Variants in CLK1 observed in about 807,000 individuals in gnomAD.
CLK1 encodes dual specificity protein kinase CLK1.
CLK1 carries 40 observed loss-of-function variants against 60.9 expected under a neutral mutation model. That is an observed-to-expected ratio of 0.66 (90% CI 0.51 to 0.86). The LOEUF is 0.86. Among genes scored for constraint, CLK1 ranks in the 40% least tolerant of loss-of-function variants. The pLI, the probability that CLK1 is intolerant of heterozygous loss-of-function variation, is 0.00. For missense variants in CLK1, 563 were observed against 606.1 expected (o/e 0.93, Z 0.75); for synonymous variants, 203 against 184.4 (o/e 1.10, Z -0.82).
chr2:200,858,092 G>A lies in CLK1; in HGVS notation c.549-3C>T. ...TTACTGCTACATGTCTACCTCCCCT[G>A]TTAGAAAGATGCATGCAAATTTAAG... On this transcript the variant is annotated splice_polypyrimidine_tract_variant and splice_region_variant and intron_variant, in intron 5 of 12. Transcript: ENST00000321356. 6.3e-7 allele frequency: 1 copy of A among 1,581,844 alleles called. No individual in the cohort carries two copies. Among genetic ancestry groups the A allele is most frequent in the South Asian group, 1.1e-5 (1 of 90,422 alleles).
chr2:200,862,270 C>T (rs2105742561), intron 1 of CLK1, among the ~76,000 whole-genome samples: 1 of 152,308 alleles, frequency 6.6e-6, no homozygotes, highest in Non-Finnish European at 1.5e-5. Context: ...TGCACGTATA[C>T]ATCCAGATGG....
chr2:200,854,219 G>A (rs1361891306), intron 11 of CLK1: 2 of 400,416 alleles, frequency 5.0e-6, no homozygotes, highest in African/African-American at 2.1e-5. Flanking sequence ...CTGAGACTTG[G>A]TAGAGTGAAA....
At chr2:200,864,160 C>A (rs1575083567) in intron 1 of CLK1, 1 of 1,551,162 alleles carries the variant, frequency 6.4e-7, no homozygotes, top group Non-Finnish European at 8.7e-7. Context: ...CCCAGCAAAT[C>A]CCCCCTCAAC....
intron 9 of CLK1, 83 bp from the exon 10 acceptor site, chr2:200,855,169 TA>T (rs796607497): frequency 6.3e-3 from 4,798 of 756,974 alleles, no homozygotes; most frequent in African/African-American, 0.011. Context: ...ACTAATACTT[TA>T]AAAAAAAAAA....
intron 11 of CLK1, 55 bp downstream of exon 11, chr2:200,854,560 TA>T: frequency 3.8e-6 from 4 of 1,048,592 alleles, no homozygotes; most frequent in Non-Finnish European, 5.8e-6. Context: ...AATTAAGTTC[TA>T]ATCAGCAGAT....
chr2:200,854,593 T>A, intron 11 of CLK1, 23 bp downstream of exon 11: 3 of 1,402,032 alleles, frequency 2.1e-6, no homozygotes, highest in Non-Finnish European at 3.0e-6. Context: ...ATACTAAGGA[T>A]GTCACTAACT....
Position 200,859,751 on chromosome 2 carries a change from AAG to A in CLK1, c.482-7_482-6del, listed in dbSNP as rs758535588. ...CTAAAGTATCAACAATTTCATCTAA[AAG>A]AGAGAAATAAATCTCAGTCATATCA... On this transcript the variant is annotated splice_region_variant and splice_polypyrimidine_tract_variant and intron_variant, in intron 4 of 12. Coordinates refer to ENST00000321356, the MANE Select transcript of CLK1 (RefSeq NM_004071.4). 7 of 1,612,916 alleles carry A rather than the reference AAG, an allele frequency of 4.3e-6. No individual in the cohort carries two copies. In the South Asian group the frequency reaches 7.7e-5, roughly 18 times the overall value.
intron 1 of CLK1, chr2:200,863,109 CCGGCGGG>C (rs2039167979): frequency 6.6e-6 from 1 of 152,138 alleles, no homozygotes; most frequent in African/African-American, 2.4e-5. Flanking sequence ...TTCTTTCTTA[CCGGCGGG>C]ACCCCTCTGT....
In CLK1 at chr2:200,861,685, T is replaced by G. The variant is rs2039141083; in HGVS notation, c.161+17A>C. On this transcript the variant is annotated intron_variant, in intron 2 of 12. Coordinates refer to ENST00000321356, the MANE Select transcript of CLK1 (RefSeq NM_004071.4). ...TAATGTATTGTTATATTCAGACATTTTAAGTATCCTCCTTACCTATCACAC... is the reference window on the plus strand; with the variant it reads ...TAATGTATTGTTATATTCAGACATTGTAAGTATCCTCCTTACCTATCACAC... 2 of 1,612,948 alleles carry G rather than the reference T, an allele frequency of 1.2e-6. No homozygotes were observed. The highest frequency in any genetic ancestry group is 2.7e-5 in the African/African-American group (2 of 74,882).
In CLK1 at chr2:200,861,764, T is replaced by C; in HGVS notation, c.99A>G (p.Arg33=). ...TGTTCTCCTGGGCACTGCTATGTGA[T>C]CTCTTCCTTCTTTTATGACTGCTGC... ...RSSSSHKRRK[R]SHSSAQENKR... is the part of the protein sequence containing the mutation. Residue 33 remains arginine, a synonymous_variant, in exon 2 of 13, where the codon AGA becomes AGG. Coordinates refer to ENST00000321356, the MANE Select transcript of CLK1 (RefSeq NM_004071.4). The C allele has an allele frequency of 6.2e-7, 1 of 1,614,178 alleles. No homozygotes were observed. The highest frequency in any genetic ancestry group is 8.5e-7 in the Non-Finnish European group (1 of 1,180,016).
At chr2:200,854,940 T>C in intron 10 of CLK1, 64 bp downstream of exon 10, 1 of 1,224,050 alleles carries the variant, frequency 8.2e-7, no homozygotes, top group Middle Eastern at 1.9e-4. Flanking sequence ...GCAAAAGTAT[T>C]TATTCATATA....
intron 5 of CLK1, 40 bp from the exon 6 acceptor site, chr2:200,858,129 T>G (rs371867801): frequency 3.2e-6 from 4 of 1,247,198 alleles, no homozygotes; most frequent in South Asian, 2.4e-5. Flanking sequence ...ATGACAGACA[T>G]GATGCTCAAT....
Position 200,853,389 on chromosome 2 carries a change from A to T in CLK1, c.1372T>A (p.Leu458Met). The change falls in exon 13 of 13, where the codon TTG (leucine) becomes ATG (methionine). Residue 458 changes from leucine to methionine, a missense_variant. This residue lies in a region of CLK1 where 360 missense variants were observed against 407.0 expected (regional missense o/e 0.88). Transcript: ENST00000321356. Reference protein sequence around the residue: ...ERLFDLIQKMLEYDPAKRITL... With the variant: ...ERLFDLIQKMMEYDPAKRITL... The stretch of plus-strand genomic sequence containing the variant: ...ATTCTTTTGGCTGGATCATACTCCA[A>T]CATTTTCTGAATGAGGTCAAAGAGA... 6.2e-7 allele frequency: 1 copy of T among 1,613,322 alleles called. No homozygotes were observed. The highest frequency in any genetic ancestry group is 1.3e-5 in the African/African-American group (1 of 75,002).
At chr2:200,857,045 AC>A in intron 7 of CLK1, 60 bp from the exon 8 acceptor site, 20 of 1,367,030 alleles carry the variant, frequency 1.5e-5, no homozygotes, top group Non-Finnish European at 2.1e-5. Context: ...AAATCACAAA[AC>A]CCCACAACAG....
chr2:200,862,951 A>G (rs895575748), intron 1 of CLK1, among the ~76,000 whole-genome samples: 4 of 152,236 alleles, frequency 2.6e-5, no homozygotes, highest in East Asian at 3.8e-4. Flanking sequence ...CACATACAAC[A>G]TAATTTATCC....
At chr2:200,853,727 A>C (rs1268751788) in intron 12 of CLK1, among the ~76,000 whole-genome samples, 176 bp downstream of exon 12, 3 of 148,832 alleles carry the variant, frequency 2.0e-5, no homozygotes, top group African/African-American at 7.4e-5. Context: ...TCCATCTGTA[A>C]TCCCAGCTAC....
At chr2:200,864,206 C>T (rs1559329845) in intron 1 of CLK1, 3 of 1,549,692 alleles carry the variant, frequency 1.9e-6, no homozygotes, top group Non-Finnish European at 2.6e-6. Flanking sequence ...GGGCCGAAGC[C>T]GGCCTCCGCC....
chr2:200,856,637 T>C (rs770525223), intron 9 of CLK1, 45 bp downstream of exon 9: 3 of 1,512,706 alleles, frequency 2.0e-6, no homozygotes, highest in East Asian at 2.3e-5. Flanking sequence ...ATTTTAAGTC[T>C]CAATAAGGAA....
At chr2:200,863,451 A>C (rs2105743970) in intron 1 of CLK1, among the ~76,000 whole-genome samples, 1 of 152,210 alleles carries the variant, frequency 6.6e-6, no homozygotes, top group South Asian at 2.1e-4. Context: ...CCAACTACTC[A>C]GGAGGCTGAG....
Sources: gnomAD v4.1 joint callset for allele counts (sites outside exome capture counted in the v4.1 genomes callset) on GRCh38, gnomAD v4.1.1 for gene constraint, gnomAD v4.1.1 regional missense constraint, MANE v1.5 for transcripts, NCBI Gene and HGNC (gene_info 2026-07-23, HGNC 2026-07-21) for gene names.